The following MTUS2 variants were observed in gnomAD, a reference collection of about 807,000 sequenced individuals.
The protein encoded by MTUS2 is microtubule associated scaffold protein 2.
Under a neutral mutation model 114.1 loss-of-function variants are expected in MTUS2, and 40 were observed. The observed-to-expected ratio is 0.35, with a 90% confidence interval of 0.27 to 0.46. MTUS2 has a LOEUF of 0.46. MTUS2 is among the 20% of genes least tolerant of loss of function. MTUS2 has a pLI of 1.00. For missense variants in MTUS2, 1,679 were observed against 1,705.4 expected (o/e 0.98, Z 0.27); for synonymous variants, 688 against 672.0 (o/e 1.02, Z -0.37).
chr13:29,183,707 A>T (rs1018299575), intron 5 of MTUS2, among the ~76,000 whole-genome samples: 1 of 152,254 alleles, frequency 6.6e-6, no homozygotes, highest in Non-Finnish European at 1.5e-5. Flanking sequence ...AGTTGGAGGG[A>T]AACTAGAAGA....
At chr13:29,361,619 T>C (rs1194066646) in intron 8 of MTUS2, among the ~76,000 whole-genome samples, 1 of 151,970 alleles carries the variant, frequency 6.6e-6, no homozygotes, top group Non-Finnish European at 1.5e-5. Context: ...CCTGGGAAAA[T>C]AGAGGCAAAG....
At chr13:29,161,776 G>T (rs961072082) in intron 5 of MTUS2, among the ~76,000 whole-genome samples, 3 of 152,220 alleles carry the variant, frequency 2.0e-5, no homozygotes. Context: ...TGACCTAGCA[G>T]CATCCTCTGT....
intron 2 of MTUS2, among the ~76,000 whole-genome samples, chr13:28,936,415 C>T (rs1269690507): frequency 6.6e-6 from 1 of 152,200 alleles, no homozygotes; most frequent in Admixed American, 6.5e-5. Context: ...TTCAATTGCT[C>T]CTTATCTCTA....
chr13:29,126,932 G>C (rs1193592692), intron 5 of MTUS2, among the ~76,000 whole-genome samples: 1 of 152,200 alleles, frequency 6.6e-6, no homozygotes, highest in African/African-American at 2.4e-5. Context: ...TGCATGTAAA[G>C]CACACTGGAC....
At chr13:29,115,421 T>A (rs1221866911) in intron 5 of MTUS2, among the ~76,000 whole-genome samples, 1 of 152,212 alleles carries the variant, frequency 6.6e-6, no homozygotes, top group Non-Finnish European at 1.5e-5. Flanking sequence ...GGTTCCTTTC[T>A]GGCTAGTTGT....
intron 5 of MTUS2, among the ~76,000 whole-genome samples, chr13:29,110,998 T>G (rs1386252431): frequency 6.6e-6 from 1 of 152,222 alleles, no homozygotes; most frequent in Non-Finnish European, 1.5e-5. Flanking sequence ...CTCGCTGGAC[T>G]AAGATTTTTA....
rs1466547344 is a variant in MTUS2, at chr13:28,986,462, T to C, written c.-242-37995T>C. Among the ~76,000 whole-genome samples the C allele has an allele frequency of 4.6e-5, 7 of 152,206 alleles. No individual in the cohort carries two copies. The East Asian group carries it at 1.3e-3, about 29-fold the overall frequency. On this transcript the variant is annotated intron_variant, in intron 2 of 15. Coordinates refer to ENST00000612955, the MANE Select transcript of MTUS2 (RefSeq NM_001033602.4). ...GACTCCCACTTAGTTGTATTAAACA[T>C]GCTACCTCCAGTGTCCTGGAGACTG...
At chr13:29,268,364 A>C (rs1395749159) in intron 5 of MTUS2, among the ~76,000 whole-genome samples, 2 of 152,230 alleles carry the variant, frequency 1.3e-5, no homozygotes, top group Admixed American at 6.5e-5. Context: ...GTCAAGGGAC[A>C]GGGAGAGACT....
chr13:28,849,849 C>G (rs1487670294), intron 2 of MTUS2, among the ~76,000 whole-genome samples: 2 of 152,080 alleles, frequency 1.3e-5, no homozygotes, highest in African/African-American at 4.8e-5. Context: ...AGACTCAGCT[C>G]AAGTTCAGCA....
chr13:28,910,855 CTTTTTTTTTTTTTTTTTTTT>C (rs555935861), intron 2 of MTUS2, among the ~76,000 whole-genome samples: 78 of 58,044 alleles, frequency 1.3e-3, no homozygotes, highest in African/African-American at 5.3e-3. Context: ...ATATACATGG[CTTTTTTTTTTTTTTTTTTTT>C]TTTTTTTTTT....
At chr13:29,290,475 G>A (rs927362055) in intron 6 of MTUS2, among the ~76,000 whole-genome samples, 16 of 152,020 alleles carry the variant, frequency 1.1e-4, no homozygotes, top group African/African-American at 2.2e-4. Flanking sequence ...GACTACAGGC[G>A]CCTGCCACCA....
chr13:28,904,310 A>G (rs1593286948), intron 2 of MTUS2, among the ~76,000 whole-genome samples: 1 of 152,104 alleles, frequency 6.6e-6, no homozygotes, highest in South Asian at 2.1e-4. Flanking sequence ...TTGGTGTTTT[A>G]GACATGAAGT....
rs374242010 is a variant in MTUS2, at chr13:29,501,072, C to T, written c.3799-25C>T. The T allele has an allele frequency of 2.7e-4, 437 of 1,602,762 alleles. No homozygotes were observed. The Middle Eastern group carries it at 3.5e-3, about 13-fold the overall frequency. On this transcript the variant is annotated intron_variant, in intron 14 of 15. Transcript: ENST00000612955. ...CCCGATTTTATGGCCTTGCTAGAAC[C>T]TCTTAAACACTGTTTCCTTTGTAGG...
chr13:29,031,396 C>T (rs182170085), intron 3 of MTUS2, among the ~76,000 whole-genome samples: 20 of 151,820 alleles, frequency 1.3e-4, no homozygotes, highest in Admixed American at 5.9e-4. Flanking sequence ...GAGGGTACAT[C>T]ACATAATCTC....
At chr13:29,294,363 C>T (rs1469374278) in intron 6 of MTUS2, among the ~76,000 whole-genome samples, 1 of 152,132 alleles carries the variant, frequency 6.6e-6, no homozygotes, top group Non-Finnish European at 1.5e-5. Flanking sequence ...GTAATAACTG[C>T]ATATTGATTA....
chr13:29,209,546 AG>A (rs1895337130), intron 5 of MTUS2, among the ~76,000 whole-genome samples: 1 of 151,772 alleles, frequency 6.6e-6, no homozygotes, highest in African/African-American at 2.4e-5. Context: ...TTATGCTTTA[AG>A]GGGGTTCTAT....
intron 7 of MTUS2, among the ~76,000 whole-genome samples, chr13:29,326,207 G>A (rs1900505376): frequency 6.6e-6 from 1 of 152,166 alleles, no homozygotes; most frequent in South Asian, 2.1e-4. Flanking sequence ...TGGGGAGCAA[G>A]CCCTCCCCCA....
At chr13:29,353,838 CTCTAAGTATTG>C (rs1435113655) in intron 7 of MTUS2, among the ~76,000 whole-genome samples, 1 of 152,196 alleles carries the variant, frequency 6.6e-6, no homozygotes, top group Non-Finnish European at 1.5e-5. Flanking sequence ...CTTTGGTGGA[CTCTAAGTATTG>C]TCCCACTAAT....
chr13:29,101,641 C>T (rs376679912), intron 5 of MTUS2, among the ~76,000 whole-genome samples: 7 of 152,198 alleles, frequency 4.6e-5, no homozygotes, highest in African/African-American at 1.7e-4. Flanking sequence ...GATGACCAAA[C>T]CCCATCTCAG....
Sources: gnomAD v4.1 joint callset for allele counts (sites outside exome capture counted in the v4.1 genomes callset) on GRCh38, gnomAD v4.1.1 for gene constraint, MANE v1.5 for transcripts, NCBI Gene and HGNC (gene_info 2026-07-23, HGNC 2026-07-21) for gene names.